The following ENOSF1 variants were observed in gnomAD, a reference collection of about 807,000 sequenced individuals.
ENOSF1 encodes mitochondrial enolase superfamily member 1.
In ENOSF1, 73 loss-of-function variants were observed where a neutral mutation model predicts 68.2. That is an observed-to-expected ratio of 1.07 (90% CI 0.89 to 1.30). The LOEUF is 1.30. Ranked by LOEUF, ENOSF1 falls within the 50% of genes most tolerant of loss-of-function variation. The pLI is 0.00. For synonymous variants in ENOSF1, 223 were observed against 210.4 expected, an observed-to-expected ratio of 1.06 and a Z score of -0.52; for missense variants, 589 against 554.5, an observed-to-expected ratio of 1.06 and a Z score of -0.62.
intron 2 of ENOSF1, among the ~76,000 whole-genome samples, chr18:703,506 G>T (rs2078598308): frequency 1.3e-5 from 2 of 152,188 alleles, no homozygotes; most frequent in Admixed American, 6.5e-5. Context: ...GGGACAATTA[G>T]AGTTGCAGAA....
At chr18:700,205 G>T (rs1201371351) in intron 2 of ENOSF1, among the ~76,000 whole-genome samples, 4 of 152,196 alleles carry the variant, frequency 2.6e-5, no homozygotes, top group Non-Finnish European at 5.9e-5. Flanking sequence ...GCCATTCCAG[G>T]TTCTCTAGGG....
intron 2 of ENOSF1, among the ~76,000 whole-genome samples, chr18:698,641 G>A (rs1453644804): frequency 1.5e-5 from 2 of 136,696 alleles, no homozygotes; most frequent in South Asian, 4.5e-4. Flanking sequence ...ATTTTTTAGA[G>A]ACAGGGTTTC....
intron 12 of ENOSF1, 65 bp downstream of exon 12, chr18:678,631 C>T: frequency 5.9e-6 from 9 of 1,522,006 alleles, no homozygotes; most frequent in South Asian, 3.4e-5. Flanking sequence ...ACTGTGTCCT[C>T]GGTCACTGGT....
chr18:675,073 C>T (rs1319075032), intron 15 of ENOSF1, among the ~76,000 whole-genome samples: 1 of 152,168 alleles, frequency 6.6e-6, no homozygotes, highest in Non-Finnish European at 1.5e-5. Flanking sequence ...ACAAGGAGTG[C>T]AAATGTTAAG....
chr18:695,311 A>G lies in ENOSF1; in HGVS notation c.310-977T>C, dbSNP rs531519978. Reference sequence around the variant, plus strand: ...ATACATTTTTTGGCATCAATACTACATAAGTGATTATGTCATTTTGTTTTA... The same window carrying G: ...ATACATTTTTTGGCATCAATACTACGTAAGTGATTATGTCATTTTGTTTTA... On this transcript the variant is annotated intron_variant, in intron 3 of 15. Coordinates refer to ENST00000647584, the MANE Select transcript of ENOSF1 (RefSeq NM_017512.7). Among the ~76,000 whole-genome samples the G allele has an allele frequency of 5.9e-4, 90 of 152,354 alleles. 1 individual carries two copies. Among genetic ancestry groups the G allele is most frequent in the Middle Eastern group, 3.4e-3 (1 of 294 alleles).
At chr18:687,177 G>A (rs1389191753) in intron 9 of ENOSF1, 1 of 152,242 alleles carries the variant, frequency 6.6e-6, no homozygotes, top group Non-Finnish European at 1.5e-5. Flanking sequence ...CAGAGAGGTT[G>A]AGTAATTGAT....
chr18:693,146 T>C, intron 5 of ENOSF1: 1 of 1,289,004 alleles, frequency 7.8e-7, no homozygotes. Flanking sequence ...TTGCCCAGTT[T>C]TTTCCTCCTC....
intron 5 of ENOSF1, chr18:692,763 C>T (rs1162970017): frequency 3.8e-5 from 38 of 998,410 alleles, no homozygotes; most frequent in East Asian, 1.1e-4. Flanking sequence ...CCCCGTAAAA[C>T]GCCAACCTTG....
At chr18:693,805 T>G in intron 5 of ENOSF1, 77 bp downstream of exon 5, 1 of 1,602,220 alleles carries the variant, frequency 6.2e-7, no homozygotes, top group Non-Finnish European at 8.5e-7. Flanking sequence ...ATATATTTAC[T>G]GATCATCAAA....
intron 3 of ENOSF1, 151 bp downstream of exon 3, chr18:697,089 C>A (rs759867967): frequency 2.8e-5 from 18 of 646,912 alleles, no homozygotes; most frequent in Non-Finnish European, 4.7e-5. Context: ...TGCACTCCAA[C>A]GTGGGTGACA....
intron 1 of ENOSF1, among the ~76,000 whole-genome samples, chr18:708,036 T>G (rs1263114995): frequency 6.6e-6 from 1 of 151,782 alleles, no homozygotes; most frequent in East Asian, 1.9e-4. Flanking sequence ...TTTTTTTTTT[T>G]TTTTAGTAAA....
chr18:678,441 T>C, intron 12 of ENOSF1: 1 of 495,128 alleles, frequency 2.0e-6, no homozygotes, highest in South Asian at 3.7e-5. Flanking sequence ...TTTAAATTGC[T>C]GCCTTTTCAA....
In ENOSF1 at chr18:690,634, G is replaced by A. The variant is rs988103855; in HGVS notation, c.536-3C>T. ...TCCTTGTGCCAGCATTTGCTTCTCT[G>A]TGAAAACACAGCGCCGTCAACATTT... On this transcript the variant is annotated splice_polypyrimidine_tract_variant and splice_region_variant and intron_variant, in intron 7 of 15. Coordinates refer to ENST00000647584, the MANE Select transcript of ENOSF1 (RefSeq NM_017512.7). The A allele has an allele frequency of 3.1e-6, 5 of 1,612,650 alleles. No homozygotes were observed. Among genetic ancestry groups the A allele is most frequent in the South Asian group, 2.2e-5 (2 of 91,060 alleles).
chr18:666,960 TGGA>T (rs1567989624), downstream of ENOSF1, among the ~76,000 whole-genome samples: 997 of 22,544 alleles, frequency 0.044, 100 homozygotes, highest in Non-Finnish European at 0.052. Flanking sequence ...GTGATGGAGA[TGGA>T]GATGGTGATG....
intron 5 of ENOSF1, chr18:692,062 C>T (rs1341159156): frequency 6.6e-6 from 1 of 152,232 alleles, no homozygotes; most frequent in Non-Finnish European, 1.5e-5. Flanking sequence ...AGCTTCTTCT[C>T]CTGCCAAATG....
intron 9 of ENOSF1, chr18:687,980 A>G (rs1401846804): frequency 1.3e-5 from 2 of 153,052 alleles, no homozygotes; most frequent in African/African-American, 4.8e-5. Flanking sequence ...CAGCCTGATC[A>G]ACATAGCGAA....
Position 672,847 on chromosome 18 carries a change from A to AT in ENOSF1, c.*1457dup, listed in dbSNP as rs772159761. ...ACAATTATGGCAAAATAATGGCCTT[A>AT]TTTTGTTTTTAGCTTCAGCGAGAAC... On this transcript the variant is annotated 3_prime_UTR_variant, in exon 16 of 16. Coordinates refer to ENST00000647584, the MANE Select transcript of ENOSF1 (RefSeq NM_017512.7). The AT allele has an allele frequency of 1.9e-5, 29 of 1,549,144 alleles. No individual in the cohort carries two copies. Among genetic ancestry groups the AT allele is most frequent in the Non-Finnish European group, 2.6e-5 (29 of 1,133,744 alleles).
intron 2 of ENOSF1, among the ~76,000 whole-genome samples, chr18:700,916 A>G (rs2741168): frequency 0.62 from 84,955 of 137,782 alleles, 27,064 homozygotes; most frequent in African/African-American, 0.79. Context: ...AAAAAAAAAC[A>G]AGAGAAATTT....
chr18:666,632 C>A (rs181982947), downstream of ENOSF1, among the ~76,000 whole-genome samples: 410 of 152,304 alleles, frequency 2.7e-3, 2 homozygotes, highest in Non-Finnish European at 3.6e-3. Flanking sequence ...TCACCTCCAG[C>A]CACCTGGAGG....
Sources: gnomAD v4.1 joint callset for allele counts (sites outside exome capture counted in the v4.1 genomes callset) on GRCh38, gnomAD v4.1.1 for gene constraint, MANE v1.5 for transcripts, NCBI Gene and HGNC (gene_info 2026-07-23, HGNC 2026-07-21) for gene names.